The following WWOX variants were observed in gnomAD, a reference collection of about 807,000 sequenced individuals.
WWOX encodes the protein WW domain-containing oxidoreductase.
A neutral mutation model predicts 46.2 loss-of-function variants in WWOX; 69 were observed. The observed-to-expected ratio is 1.49, with a 90% CI of 1.23 to 1.82. WWOX has a LOEUF of 1.82. WWOX is among the 40% of genes most tolerant of loss of function. The pLI, the probability that WWOX is intolerant of heterozygous loss-of-function variation, is 0.00. For missense variants in WWOX, 919 were observed against 542.6 expected (o/e 1.69, Z -6.89); for synonymous variants, 359 against 202.6 (o/e 1.77, Z -6.56).
intron 8 of WWOX, among the ~76,000 whole-genome samples, chr16:78,619,686 C>G (rs1341383635): frequency 1.3e-5 from 2 of 151,750 alleles, no homozygotes; most frequent in Non-Finnish European, 2.9e-5. Context: ...AGGAGGGTCA[C>G]TTGAGCCCAG....
At chr16:78,817,021 A>G (rs752713394) in intron 8 of WWOX, among the ~76,000 whole-genome samples, 5 of 152,118 alleles carry the variant, frequency 3.3e-5, no homozygotes, top group African/African-American at 9.7e-5. Context: ...GTTCTGACCA[A>G]CTGTTTTTGA....
intron 8 of WWOX, among the ~76,000 whole-genome samples, chr16:78,667,434 G>C (rs906296469): frequency 6.6e-6 from 1 of 152,094 alleles, no homozygotes; most frequent in Non-Finnish European, 1.5e-5. Flanking sequence ...ACTTTGGGAG[G>C]CCGAGGCGGG....
At chr16:78,438,511 G>T (rs1368345800) in intron 8 of WWOX, among the ~76,000 whole-genome samples, 1 of 151,572 alleles carries the variant, frequency 6.6e-6, no homozygotes, top group African/African-American at 2.4e-5. Context: ...CCTTGCCAGA[G>T]TTCCCAGGTC....
intron 5 of WWOX, among the ~76,000 whole-genome samples, chr16:78,270,996 T>C (rs1373765352): frequency 2.0e-5 from 3 of 152,184 alleles, no homozygotes; most frequent in Admixed American, 2.0e-4. Context: ...TGAATCAATA[T>C]TTAGTGGTTT....
At chr16:79,014,130 A>G (rs2047366601) in intron 8 of WWOX, among the ~76,000 whole-genome samples, 1 of 152,190 alleles carries the variant, frequency 6.6e-6, no homozygotes. Flanking sequence ...GGCAGAGACC[A>G]AGATCTTTTT....
intron 8 of WWOX, chr16:78,826,057 A>C: frequency 2.4e-6 from 1 of 422,842 alleles, no homozygotes; most frequent in Non-Finnish European, 4.3e-6. Context: ...CTTTGTAAAG[A>C]CATTTAATAA....
At chr16:78,436,924 C>T (rs540770934) in intron 8 of WWOX, among the ~76,000 whole-genome samples, 25 of 152,342 alleles carry the variant, frequency 1.6e-4, no homozygotes, top group African/African-American at 5.5e-4. Flanking sequence ...ATATAAGCCA[C>T]GCAGTTGCAT....
At chr16:79,052,811 T>G (rs116484894) in intron 8 of WWOX, among the ~76,000 whole-genome samples, 1,748 of 152,314 alleles carry the variant, frequency 0.011, 32 homozygotes, top group African/African-American at 0.039. Flanking sequence ...GAGTGCTATT[T>G]CTTTATGGCA....
At chr16:78,911,458 G>GAT (rs2045109274) in intron 8 of WWOX, among the ~76,000 whole-genome samples, 1 of 152,012 alleles carries the variant, frequency 6.6e-6, no homozygotes, top group South Asian at 2.1e-4. Flanking sequence ...TGCTAGAAAT[G>GAT]ATAATGGTGA....
intron 8 of WWOX, among the ~76,000 whole-genome samples, chr16:78,981,341 A>T (rs1263270010): frequency 6.6e-6 from 1 of 152,166 alleles, no homozygotes; most frequent in African/African-American, 2.4e-5. Flanking sequence ...GGAAAACGCC[A>T]GCAGATCTCT....
chr16:78,739,547 C>T (rs548362828), intron 8 of WWOX, among the ~76,000 whole-genome samples: 1 of 152,154 alleles, frequency 6.6e-6, no homozygotes, highest in African/African-American at 2.4e-5. Context: ...CATGGTGGCT[C>T]ACGCCTGTAA....
intron 8 of WWOX, among the ~76,000 whole-genome samples, chr16:78,968,425 C>G (rs1473922736): frequency 2.6e-5 from 4 of 152,224 alleles, no homozygotes; most frequent in African/African-American, 9.6e-5. Flanking sequence ...TGGTGGTAGC[C>G]AAACTGTTCC....
intron 8 of WWOX, among the ~76,000 whole-genome samples, chr16:79,193,482 C>T (rs2051177478): frequency 1.3e-5 from 2 of 152,208 alleles, no homozygotes; most frequent in Non-Finnish European, 2.9e-5. Flanking sequence ...GGTCTTGCGT[C>T]ACAGAGATGC....
At chr16:79,115,304 C>A (rs953792763) in intron 8 of WWOX, among the ~76,000 whole-genome samples, 1 of 152,186 alleles carries the variant, frequency 6.6e-6, no homozygotes, top group South Asian at 2.1e-4. Context: ...AAGAAACTTT[C>A]AATGTATACT....
chr16:79,184,303 C>G (rs2050971163), intron 8 of WWOX, among the ~76,000 whole-genome samples: 1 of 152,124 alleles, frequency 6.6e-6, no homozygotes, highest in Non-Finnish European at 1.5e-5. Flanking sequence ...AAGAGCCTAC[C>G]ATTCATTTAT....
intron 8 of WWOX, among the ~76,000 whole-genome samples, chr16:78,638,341 A>G (rs1350382770): frequency 6.6e-6 from 1 of 152,122 alleles, no homozygotes; most frequent in African/African-American, 2.4e-5. Flanking sequence ...AAACCTCTCT[A>G]TTCAGTTGCC....
At chr16:79,130,662 C>A (rs1206897797) in intron 8 of WWOX, among the ~76,000 whole-genome samples, 1 of 152,184 alleles carries the variant, frequency 6.6e-6, no homozygotes, top group East Asian at 1.9e-4. Context: ...CAAATTAACC[C>A]AGGGCAACAA....
At chr16:78,605,329 T>G (rs929993269) in intron 8 of WWOX, among the ~76,000 whole-genome samples, 2 of 151,558 alleles carry the variant, frequency 1.3e-5, no homozygotes, top group African/African-American at 2.4e-5. Flanking sequence ...TCTTATATAA[T>G]CAATATTTAG....
At chr16:78,578,699 G>C (rs976795141) in intron 8 of WWOX, among the ~76,000 whole-genome samples, 1 of 152,198 alleles carries the variant, frequency 6.6e-6, no homozygotes, top group Admixed American at 6.5e-5. Context: ...TGCCAGCTAT[G>C]GGTCATTTGG....
Sources: gnomAD v4.1 joint callset for allele counts (sites outside exome capture counted in the v4.1 genomes callset) on GRCh38, gnomAD v4.1.1 for gene constraint, MANE v1.5 for transcripts, NCBI Gene and HGNC (gene_info 2026-07-23, HGNC 2026-07-21) for gene names.